P2RX5: variants seen among roughly 807,000 people sequenced by gnomAD.
P2RX5 encodes the protein P2X purinoceptor 5.
Under a neutral mutation model 54.1 loss-of-function variants are expected in P2RX5, and 46 were observed. The observed-to-expected ratio is 0.85, with a 90% CI of 0.67 to 1.09. The LOEUF (loss-of-function observed/expected upper bound fraction) is 1.09, where lower values mean the gene tolerates loss of function less well. Among genes scored for constraint, P2RX5 ranks in the 50% least tolerant of loss-of-function variants. The probability of loss-of-function intolerance (pLI) is 0.00; values close to 1 mark genes in which losing one functional copy is unlikely to be tolerated. For missense variants in P2RX5, 566 were observed against 549.8 expected (o/e 1.03, Z -0.29); for synonymous variants, 226 against 226.4 (o/e 1.00, Z 0.02).
intron 11 of P2RX5, among the ~76,000 whole-genome samples, chr17:3,674,258 C>T (rs755589724): frequency 6.6e-6 from 1 of 151,958 alleles, no homozygotes; most frequent in African/African-American, 2.4e-5. Flanking sequence ...TTGCAGTGAG[C>T]CGAGATCGCG....
the P2RX5 span, among the ~76,000 whole-genome samples, chr17:3,708,204 C>T: frequency 1.3e-5 from 2 of 152,064 alleles, no homozygotes; most frequent in African/African-American, 4.8e-5. Flanking sequence ...TTCAGACAGA[C>T]CACCAATGAT....
intron 11 of P2RX5, chr17:3,677,942 CA>C: frequency 1.0e-5 from 10 of 985,374 alleles, no homozygotes; most frequent in Non-Finnish European, 1.2e-5. Flanking sequence ...AGCAAGATCC[CA>C]AAGTTCAGGA....
At chr17:3,675,353 T>C (rs222762) in intron 11 of P2RX5, 401,582 of 984,792 alleles carry the variant, frequency 0.41, 84,190 homozygotes, top group African/African-American at 0.65. Context: ...AAGACATTTT[T>C]GTTGCAATAT....
At chr17:3,701,761 G>A in the P2RX5 span, among the ~76,000 whole-genome samples, 20 of 84,408 alleles carry the variant, frequency 2.4e-4, no homozygotes, top group Non-Finnish European at 4.0e-4. Context: ...TTTTTTTTTT[G>A]TTTTTTTTTT....
At chr17:3,707,745 G>A in the P2RX5 span, among the ~76,000 whole-genome samples, 3 of 152,060 alleles carry the variant, frequency 2.0e-5, no homozygotes, top group Admixed American at 1.3e-4. Context: ...AACTGGCTGC[G>A]GGGTCCTAGG....
intron 11 of P2RX5, among the ~76,000 whole-genome samples, chr17:3,679,062 G>C (rs148225469): frequency 1.4e-4 from 21 of 152,200 alleles, no homozygotes; most frequent in African/African-American, 4.1e-4. Context: ...AGGGGCTGAG[G>C]GGGGGTCATC....
chr17:3,682,402 G>C (rs2050309548), intron 9 of P2RX5: 1 of 323,782 alleles, frequency 3.1e-6, no homozygotes, highest in Admixed American at 4.3e-5. Flanking sequence ...TCAGCCTGGG[G>C]AGGGTCCCTA....
At chr17:3,723,565 G>A in the P2RX5 span, 1 of 1,122,108 alleles carries the variant, frequency 8.9e-7, no homozygotes, top group South Asian at 1.5e-5. Flanking sequence ...CGAAGCTAGG[G>A]AGGGCCTGGC....
chr17:3,691,831 T>C, intron 1 of P2RX5, 37 bp from the exon 2 acceptor site: 1 of 1,612,974 alleles, frequency 6.2e-7, no homozygotes, highest in Non-Finnish European at 8.5e-7. Flanking sequence ...CATCAGCCAC[T>C]CTGCTGGCTT....
At chr17:3,683,729 C>CAAAA (rs59622313) in intron 9 of P2RX5, among the ~76,000 whole-genome samples, 1 of 58,594 alleles carries the variant, frequency 1.7e-5, no homozygotes, top group African/African-American at 5.5e-5. Context: ...GACTCCGTCT[C>CAAAA]AAAAAAAAAA....
At chr17:3,683,567 C>T in intron 9 of P2RX5, among the ~76,000 whole-genome samples, 1 of 152,024 alleles carries the variant, frequency 6.6e-6, no homozygotes. Context: ...CCTGTCTCTA[C>T]AAAAATACGA....
At chr17:3,675,438 C>T (rs2050080688) in intron 11 of P2RX5, 8 of 985,418 alleles carry the variant, frequency 8.1e-6, no homozygotes, top group Non-Finnish European at 9.6e-6. Flanking sequence ...AAATCAGCAG[C>T]CATGACCCCT....
upstream of P2RX5, among the ~76,000 whole-genome samples, chr17:3,699,912 AGG>A (rs2143003092): frequency 4.0e-5 from 2 of 49,876 alleles, no homozygotes; most frequent in African/African-American, 9.1e-5. Context: ...GAAGGAAGGA[AGG>A]AAGGAAAGAA....
Position 3,690,065 on chromosome 17 carries a change from C to A in P2RX5, c.614+5G>T, listed in dbSNP as rs368418642. On this transcript the variant is annotated splice_donor_5th_base_variant and intron_variant, in intron 6 of 11. Transcript: ENST00000225328. ...CCGTGGCCCCCAGTAGCCAAGCCCA[C>A]GTACTTGGAGAAGTTGAATTTGGGG... is the stretch of plus-strand genomic sequence containing the variant. 5.0e-6 allele frequency: 8 copies of A among 1,613,118 alleles called. No individual in the cohort carries two copies. The highest frequency in any genetic ancestry group is 6.8e-6 in the Non-Finnish European group (8 of 1,179,200).
At chr17:3,676,097 C>T (rs1366630136) in intron 11 of P2RX5, 26 of 985,454 alleles carry the variant, frequency 2.6e-5, no homozygotes, top group Non-Finnish European at 3.1e-5. Context: ...AGCACTGGGA[C>T]TGGTTGAGTG....
the P2RX5 span, among the ~76,000 whole-genome samples, chr17:3,719,257 G>A: frequency 0.033 from 4,040 of 121,628 alleles, 692 homozygotes; most frequent in African/African-American, 0.16. Flanking sequence ...AAAAAAAAAA[G>A]AAAAGAAAAG....
At chr17:3,676,438 T>C in intron 11 of P2RX5, 1 of 947,108 alleles carries the variant, frequency 1.1e-6, no homozygotes, top group Non-Finnish European at 1.2e-6. Flanking sequence ...TGCTTTTCAC[T>C]GACTATCCTT....
rs987383660 is a variant in P2RX5 at position 3,675,920 on chromosome 17, C to T, written c.1260-2043G>A. The T allele has an allele frequency of 3.9e-5, 38 of 985,252 alleles. No homozygotes were observed. The Admixed American group carries it at 1.1e-3, about 29-fold the overall frequency. 61.0% of individuals were successfully genotyped at this position (985,252 alleles called of 1,614,324 possible). On this transcript the variant is annotated intron_variant, in intron 11 of 11. Coordinates refer to ENST00000225328, the MANE Select transcript of P2RX5 (RefSeq NM_002561.4). ...GGTTCCCTTCCCAGAAAACCCAAAGCGAGGAAGTTGCTTTGCTCTAGGAGG... is the reference window on the plus strand; with the variant it reads ...GGTTCCCTTCCCAGAAAACCCAAAGTGAGGAAGTTGCTTTGCTCTAGGAGG...
the P2RX5 span, among the ~76,000 whole-genome samples, chr17:3,719,676 G>A: frequency 4.4e-4 from 67 of 152,230 alleles, no homozygotes; most frequent in African/African-American, 1.5e-3. Context: ...AGCACACTAA[G>A]ACAGTTACTG....
Sources: allele counts gnomAD v4.1 joint callset (sites outside exome capture counted in the v4.1 genomes callset), GRCh38; gene constraint gnomAD v4.1.1; transcripts MANE v1.5; gene names NCBI Gene and HGNC (gene_info 2026-07-23, HGNC 2026-07-21).